SNX8: variants seen among roughly 807,000 people sequenced by gnomAD.
SNX8 encodes the protein sorting nexin-8.
Under a neutral mutation model 51.6 loss-of-function variants are expected in SNX8, and 25 were observed. The ratio of observed to expected loss-of-function variants is 0.48; its 90% CI spans 0.35 to 0.68. The LOEUF is 0.68. Ranked by LOEUF, SNX8 falls within the 30% of genes least tolerant of loss-of-function variation. The pLI, the probability that SNX8 is intolerant of heterozygous loss-of-function variation, is 0.00. For synonymous variants in SNX8, 324 were observed against 277.0 expected (o/e 1.17, Z -1.68); for missense variants, 695 against 624.0 (o/e 1.11, Z -1.21).
intron 1 of SNX8, among the ~76,000 whole-genome samples, chr7:2,342,843 G>A (rs1211180475): frequency 6.6e-6 from 1 of 151,478 alleles, no homozygotes; most frequent in Non-Finnish European, 1.5e-5. Flanking sequence ...ATTTTTTTGA[G>A]ACGGAGTCTC....
chr7:2,349,160 C>T (rs1227305485), intron 1 of SNX8, among the ~76,000 whole-genome samples: 2 of 146,572 alleles, frequency 1.4e-5, no homozygotes, highest in Non-Finnish European at 3.0e-5. Context: ...GCCGAGATCA[C>T]ACCACTGCAC....
intron 5 of SNX8, among the ~76,000 whole-genome samples, chr7:2,266,179 TTTG>T (rs549090757): frequency 2.6e-5 from 4 of 152,088 alleles, no homozygotes; most frequent in Non-Finnish European, 5.9e-5. Flanking sequence ...TTCTGGTTTT[TTTG>T]TTGTTGTTGT....
intron 1 of SNX8, among the ~76,000 whole-genome samples, chr7:2,337,640 T>G (rs1251535542): frequency 6.6e-6 from 1 of 151,968 alleles, no homozygotes. Context: ...CAGAGAGCAA[T>G]GCCTGGAGGG....
At chr7:2,314,464 CCGCGCAGCCCTGCCG>C, upstream of SNX8, 1 of 1,195,110 alleles carries the variant, frequency 8.4e-7, no homozygotes, top group Non-Finnish European at 1.0e-6. Context: ...CGCCACCCGG[CCGCGCAGCCCTGCCG>C]CGCCGCGCCC....
chr7:2,341,714 G>A (rs1301847099), intron 1 of SNX8, among the ~76,000 whole-genome samples: 7 of 152,080 alleles, frequency 4.6e-5, no homozygotes, highest in Non-Finnish European at 8.8e-5. Flanking sequence ...TCGGCCACGC[G>A]CAGTGGCTCA....
chr7:2,252,252 C>T lies in SNX8; in HGVS notation c.*2804G>A, dbSNP rs963749438. The T allele has an allele frequency of 6.6e-6, 1 of 152,118 alleles. No individual in the cohort carries two copies. Among genetic ancestry groups the T allele is most frequent in the African/African-American group, 2.4e-5 (1 of 41,398 alleles). The allele number at this position is 152,118 out of a possible 1,614,324, so 9.4% of individuals were successfully genotyped here. A position where few individuals can be genotyped will look rare whatever the true frequency, so the allele number is the denominator to read the frequency against. On this transcript the variant is annotated 3_prime_UTR_variant, in exon 11 of 11. Transcript: ENST00000222990. Reference sequence around the variant, plus strand: ...GCCAGCTAGGCAAGGCCGTAATGACCGGCACAAGCTTGGGCTTGGGCCGTG... The same window carrying T: ...GCCAGCTAGGCAAGGCCGTAATGACTGGCACAAGCTTGGGCTTGGGCCGTG...
chr7:2,297,549 G>A lies in SNX8; in HGVS notation c.94+16779C>T, dbSNP rs1222318495. Among the ~76,000 whole-genome samples, 6 of 13,642 alleles carry A rather than the reference G, an allele frequency of 4.4e-4. No individual in the cohort carries two copies. The Admixed American group carries it at 5.5e-3, about 12-fold the overall frequency. The allele number at this position is 13,642 out of a possible 152,430, so 8.9% of individuals were successfully genotyped here. On this transcript the variant is annotated intron_variant, in intron 1 of 10. Coordinates refer to ENST00000222990, the MANE Select transcript of SNX8 (RefSeq NM_013321.4). ...TGGGCAACAGGAGCAAAACCCCGCC[G>A]CAAAAAAAAAAAAAAAAAAAAAAAA...
chr7:2,317,818 C>G (rs1464042754), upstream of SNX8, among the ~76,000 whole-genome samples: 1 of 152,136 alleles, frequency 6.6e-6, no homozygotes, highest in Non-Finnish European at 1.5e-5. Context: ...CCACCATAAC[C>G]TGGGAGGCCA....
chr7:2,317,574 GC>G (rs1796777461), upstream of SNX8, among the ~76,000 whole-genome samples: 2 of 151,904 alleles, frequency 1.3e-5, no homozygotes, highest in Non-Finnish European at 2.9e-5. Context: ...ACCGTGCCCG[GC>G]CATCCTGGAC....
At chr7:2,310,187 T>C (rs1340475544) in intron 1 of SNX8, among the ~76,000 whole-genome samples, 1 of 152,010 alleles carries the variant, frequency 6.6e-6, no homozygotes, top group Non-Finnish European at 1.5e-5. Context: ...CAAGCACACT[T>C]ACCACACTCA....
At chr7:2,298,816 C>T (rs1294876426) in intron 1 of SNX8, among the ~76,000 whole-genome samples, 1 of 151,854 alleles carries the variant, frequency 6.6e-6, no homozygotes, top group African/African-American at 2.4e-5. Flanking sequence ...CTCAGCCTCC[C>T]GAGCAGCTGG....
intron 1 of SNX8, among the ~76,000 whole-genome samples, chr7:2,332,758 GGAA>G (rs1778759573): frequency 6.8e-6 from 1 of 146,366 alleles, no homozygotes; most frequent in Non-Finnish European, 1.5e-5. Flanking sequence ...AAGGAAGGAA[GGAA>G]GGAAGGAAGG....
chr7:2,346,737 CAAAAAAA>C lies in SNX8; in HGVS notation c.-66+7478_-66+7484del, dbSNP rs143462126. Among the ~76,000 whole-genome samples the C allele has an allele frequency of 2.3e-3, 106 of 45,336 alleles. 1 individual carries two copies. Among genetic ancestry groups the C allele is most frequent in the African/African-American group, 8.4e-3 (99 of 11,836 alleles). The allele number at this position is 45,336 out of a possible 152,430, so 29.7% of individuals were successfully genotyped here. A position where few individuals can be genotyped will look rare whatever the true frequency, so the allele number is the denominator to read the frequency against. On this transcript the variant is annotated intron_variant, in intron 1 of 5. Coordinates refer to the SNX8 transcript ENST00000435336. Reference sequence around the variant, plus strand: ...CTCCAGCCTGGGCTGGACTCCGTCTCAAAAAAAAAAAAAAAAAAAAAAACAGAAAAAA... The same window carrying C: ...CTCCAGCCTGGGCTGGACTCCGTCTCAAAAAAAAAAAAAAAACAGAAAAAA...
chr7:2,343,174 A>G (rs1232426394), intron 1 of SNX8, among the ~76,000 whole-genome samples: 1 of 151,518 alleles, frequency 6.6e-6, no homozygotes, highest in Non-Finnish European at 1.5e-5. Context: ...CAAATAATCC[A>G]CCCACCTTGG....
At chr7:2,264,529 TCCC>T in intron 5 of SNX8, 71 bp from the exon 6 acceptor site, 15 of 1,505,550 alleles carry the variant, frequency 1.0e-5, no homozygotes, top group Non-Finnish European at 1.3e-5. Flanking sequence ...CAGCAGCCGG[TCCC>T]CCAGAAGCTG....
chr7:2,320,724 C>T (rs542378499), intron 1 of SNX8, among the ~76,000 whole-genome samples: 10 of 148,830 alleles, frequency 6.7e-5, no homozygotes, highest in South Asian at 2.1e-4. Flanking sequence ...GCTCTGGCTC[C>T]GAAAATATAA....
chr7:2,351,641 A>G (rs763988425), intron 1 of SNX8, among the ~76,000 whole-genome samples: 157 of 151,926 alleles, frequency 1.0e-3, no homozygotes, highest in Admixed American at 2.0e-3. Flanking sequence ...GACCATCCTG[A>G]CTAACAGGAT....
chr7:2,292,029 C>T (rs568036934), intron 1 of SNX8, among the ~76,000 whole-genome samples: 2 of 152,276 alleles, frequency 1.3e-5, no homozygotes, highest in South Asian at 2.1e-4. Context: ...TCTGGGAGGC[C>T]GAGGTGGATG....
chr7:2,349,198 C>T (rs779262576), intron 1 of SNX8, among the ~76,000 whole-genome samples: 3 of 145,678 alleles, frequency 2.1e-5, no homozygotes, highest in Non-Finnish European at 4.5e-5. Context: ...AGTGAGGCTC[C>T]GTCTCAAAAA....
Sources: gnomAD v4.1 joint callset for allele counts (sites outside exome capture counted in the v4.1 genomes callset) on GRCh38, gnomAD v4.1.1 for gene constraint, MANE v1.5 for transcripts, NCBI Gene and HGNC (gene_info 2026-07-23, HGNC 2026-07-21) for gene names.